Variants in CRTAC1 observed in about 807,000 individuals in gnomAD.
CRTAC1 encodes acidic secreted protein in cartilage.
Under a neutral mutation model 67.8 loss-of-function variants are expected in CRTAC1, and 37 were observed. The ratio of observed to expected loss-of-function variants is 0.55; its 90% CI spans 0.42 to 0.72. The LOEUF is 0.72. Among genes scored for constraint, CRTAC1 ranks in the 30% least tolerant of loss-of-function variants. The pLI, the probability that CRTAC1 is intolerant of heterozygous loss-of-function variation, is 0.00. For missense variants in CRTAC1, 780 were observed against 931.6 expected (o/e 0.84, Z 2.12); for synonymous variants, 348 against 371.0 (o/e 0.94, Z 0.71).
At chr10:97,897,492 T>C (rs1159875046) in intron 8 of CRTAC1, among the ~76,000 whole-genome samples, 2 of 152,210 alleles carry the variant, frequency 1.3e-5, no homozygotes, top group East Asian at 3.9e-4. Flanking sequence ...CCTGGTAGAA[T>C]GTGAGCTCTC....
chr10:97,934,056 G>T (rs1209389032), intron 3 of CRTAC1, among the ~76,000 whole-genome samples: 2 of 152,198 alleles, frequency 1.3e-5, no homozygotes, highest in African/African-American at 4.8e-5. Context: ...CCTGGTGGCT[G>T]CCACTGCAGA....
chr10:97,872,654 C>T (rs921464019), intron 14 of CRTAC1, among the ~76,000 whole-genome samples: 2 of 152,130 alleles, frequency 1.3e-5, no homozygotes, highest in African/African-American at 4.8e-5. Context: ...TGGATGGATA[C>T]AGAGAAGATG....
rs1425033667 is a variant in CRTAC1, at chr10:97,975,928, G to A, written c.224+35210C>T. Among the ~76,000 whole-genome samples the A allele has an allele frequency of 6.6e-6, 1 of 152,294 alleles. No individual in the cohort carries two copies. The highest frequency in any genetic ancestry group is 1.5e-5 in the Non-Finnish European group (1 of 68,012). ...GAACCATCTACCTGGTGTGTGGCCC[G>A]TTCCCCGAACCACATCTTACATCTT... On this transcript the variant is annotated intron_variant, in intron 2 of 14. Transcript: ENST00000370597. This position sits in a 1 kb window ranked among gnomAD's most constrained non-coding sequence, Gnocchi z 4.8.
chr10:98,001,634 T>C (rs1252130071), intron 2 of CRTAC1, among the ~76,000 whole-genome samples: 1 of 152,096 alleles, frequency 6.6e-6, no homozygotes, highest in African/African-American at 2.4e-5. Flanking sequence ...GTCAGTAAAA[T>C]ACCAGACCCA....
chr10:97,917,496 A>T lies in CRTAC1; in HGVS notation c.715+4T>A. The T allele has an allele frequency of 1.3e-6, 2 of 1,554,168 alleles. No homozygotes were observed. Among genetic ancestry groups the T allele is most frequent in the East Asian group, 2.3e-5 (1 of 42,914 alleles). On this transcript the variant is annotated splice_donor_region_variant and intron_variant, in intron 5 of 14. Coordinates refer to ENST00000370597, the MANE Select transcript of CRTAC1 (RefSeq NM_018058.7). Reference sequence around the variant, plus strand: ...CATACTACCTCCCATGTCACTCTGCATACCTGTATATTTGCTGACCCCAGC... The same window carrying T: ...CATACTACCTCCCATGTCACTCTGCTTACCTGTATATTTGCTGACCCCAGC...
intron 2 of CRTAC1, among the ~76,000 whole-genome samples, chr10:97,948,517 T>C (rs943774205): frequency 6.6e-6 from 1 of 152,122 alleles, no homozygotes; most frequent in African/African-American, 2.4e-5. Context: ...GGACTGTGCA[T>C]GTTTGTGAGC....
intron 2 of CRTAC1, among the ~76,000 whole-genome samples, chr10:97,937,474 T>A (rs1294891511): frequency 6.6e-6 from 1 of 152,240 alleles, no homozygotes; most frequent in South Asian, 2.1e-4. Flanking sequence ...TACCTCTTCC[T>A]TCTCTGTCTG....
intron 2 of CRTAC1, among the ~76,000 whole-genome samples, chr10:97,978,149 C>T (rs972215407): frequency 5.9e-5 from 9 of 152,156 alleles, no homozygotes; most frequent in South Asian, 2.1e-4. Flanking sequence ...GACTTTGCTA[C>T]GCAAAGTGTG....
chr10:97,982,016 C>T (rs2051899801), intron 2 of CRTAC1, among the ~76,000 whole-genome samples: 1 of 152,166 alleles, frequency 6.6e-6, no homozygotes, highest in African/African-American at 2.4e-5. Context: ...ATGAGCTGTC[C>T]CTTCCAGCAT....
intron 2 of CRTAC1, among the ~76,000 whole-genome samples, chr10:97,976,462 G>A (rs569065701): frequency 6.6e-6 from 1 of 152,246 alleles, no homozygotes; most frequent in Non-Finnish European, 1.5e-5. Flanking sequence ...AACCTCATGG[G>A]GTTAAAGTGG....
intron 2 of CRTAC1, among the ~76,000 whole-genome samples, chr10:97,982,912 AT>A (rs1249050995): frequency 6.6e-6 from 1 of 152,164 alleles, no homozygotes; most frequent in Non-Finnish European, 1.5e-5. Flanking sequence ...CAGCTTTTTA[AT>A]TTTTTTAAAC....
intron 3 of CRTAC1, among the ~76,000 whole-genome samples, chr10:97,930,108 A>G (rs2050981996): frequency 6.6e-6 from 1 of 152,210 alleles, no homozygotes; most frequent in South Asian, 2.1e-4. Context: ...CCAGGAAGGC[A>G]GAGTCTTCAT....
chr10:97,940,018 G>C (rs537667001), intron 2 of CRTAC1, among the ~76,000 whole-genome samples: 6 of 152,220 alleles, frequency 3.9e-5, no homozygotes, highest in Non-Finnish European at 7.3e-5. Flanking sequence ...GCTTGGCACA[G>C]AGTAGGTGCT....
intron 14 of CRTAC1, 115 bp from the exon 15 acceptor site, chr10:97,865,829 GGA>G: frequency 8.4e-7 from 1 of 1,194,904 alleles, no homozygotes; most frequent in Non-Finnish European, 1.1e-6. Context: ...GGGGTGGGAG[GGA>G]GGGTGACGGG....
intron 11 of CRTAC1, among the ~76,000 whole-genome samples, chr10:97,886,720 C>T (rs1406975059): frequency 2.0e-5 from 3 of 150,192 alleles, no homozygotes; most frequent in Non-Finnish European, 3.0e-5. Context: ...TCTCAGCTCA[C>T]TGCAACCTCC....
intron 6 of CRTAC1, among the ~76,000 whole-genome samples, chr10:97,907,188 A>G (rs2050624293): frequency 6.6e-6 from 1 of 152,220 alleles, no homozygotes; most frequent in Non-Finnish European, 1.5e-5. Context: ...TGTAAAGCTC[A>G]TAGACAAACC....
At chr10:98,020,165 C>T (rs147610175) in intron 1 of CRTAC1, among the ~76,000 whole-genome samples, 22 of 152,336 alleles carry the variant, frequency 1.4e-4, no homozygotes, top group African/African-American at 2.2e-4. Flanking sequence ...CACTTCCACA[C>T]GCTGTCAGAG....
chr10:97,905,869 T>TG (rs566676987), intron 6 of CRTAC1, among the ~76,000 whole-genome samples: 122 of 152,242 alleles, frequency 8.0e-4, no homozygotes, highest in African/African-American at 2.8e-3. Context: ...GAGTGGGTGC[T>TG]GGGGGAGGAG....
intron 3 of CRTAC1, among the ~76,000 whole-genome samples, chr10:97,929,735 C>T (rs1464362233): frequency 6.6e-6 from 1 of 152,170 alleles, no homozygotes; most frequent in Non-Finnish European, 1.5e-5. Flanking sequence ...GAGAACAATA[C>T]CTGGCACATG....
Sources: gnomAD v4.1 joint callset for allele counts (sites outside exome capture counted in the v4.1 genomes callset) on GRCh38, gnomAD v4.1.1 for gene constraint, Gnocchi (gnomAD v3.1) non-coding constraint, MANE v1.5 for transcripts, NCBI Gene and HGNC (gene_info 2026-07-23, HGNC 2026-07-21) for gene names.